Variants in GUCY1A2 observed in about 807,000 individuals in gnomAD.
GUCY1A2 encodes guanylate cyclase soluble subunit alpha-2.
GUCY1A2 carries 27 observed loss-of-function variants against 63.5 expected under a neutral mutation model. The ratio of observed to expected loss-of-function variants is 0.43; its 90% CI spans 0.31 to 0.59. The LOEUF is 0.59. Among genes scored for constraint, GUCY1A2 ranks in the 20% least tolerant of loss-of-function variants. GUCY1A2 has a pLI of 0.11. For missense variants in GUCY1A2, 768 were observed against 913.3 expected (o/e 0.84, Z 2.05); for synonymous variants, 364 against 343.5 (o/e 1.06, Z -0.66).
At chr11:106,944,138 C>T (rs1002654133) in intron 3 of GUCY1A2, among the ~76,000 whole-genome samples, 1 of 141,940 alleles carries the variant, frequency 7.0e-6, no homozygotes, top group East Asian at 2.1e-4. Context: ...TCACTGGAGC[C>T]CAGGATGTTG....
Position 106,735,587 on chromosome 11 carries a change from T to C in GUCY1A2, c.1837-26921A>G, listed in dbSNP as rs564629347. Among the ~76,000 whole-genome samples, 6 of 152,316 alleles carry C rather than the reference T, an allele frequency of 3.9e-5. No individual in the cohort carries two copies. The South Asian group carries it at 1.2e-3, about 32-fold the overall frequency. The stretch of plus-strand genomic sequence containing the variant: ...TTGGCTATTGTGACTAGCGTTACAA[T>C]AAACATGGGAGTGCAGTTATCTCTT... On this transcript the variant is annotated intron_variant, in intron 6 of 7. Coordinates refer to ENST00000526355, the MANE Select transcript of GUCY1A2 (RefSeq NM_000855.3).
At chr11:106,830,434 G>A (rs1471837541) in intron 4 of GUCY1A2, among the ~76,000 whole-genome samples, 1 of 152,222 alleles carries the variant, frequency 6.6e-6, no homozygotes, top group Non-Finnish European at 1.5e-5. Context: ...CTGTGAGGGT[G>A]TTGCCAAAGG....
chr11:106,741,205 T>A (rs1170716289), intron 6 of GUCY1A2, among the ~76,000 whole-genome samples: 1 of 152,260 alleles, frequency 6.6e-6, no homozygotes, highest in Non-Finnish European at 1.5e-5. Context: ...CAGTTCAAAC[T>A]GTAATCAAAT....
intron 3 of GUCY1A2, among the ~76,000 whole-genome samples, chr11:106,955,453 T>C (rs895975165): frequency 1.3e-5 from 2 of 152,206 alleles, no homozygotes; most frequent in Admixed American, 1.3e-4. Context: ...GTTTTTCCTT[T>C]CCATATTTAG....
chr11:106,909,319 A>G (rs1411080595), intron 4 of GUCY1A2, among the ~76,000 whole-genome samples: 2 of 144,814 alleles, frequency 1.4e-5, no homozygotes, highest in South Asian at 4.4e-4. Flanking sequence ...CATTGATAAA[A>G]TCTATCATCT....
At chr11:106,906,146 G>C (rs1860202103) in intron 4 of GUCY1A2, among the ~76,000 whole-genome samples, 1 of 152,062 alleles carries the variant, frequency 6.6e-6, no homozygotes, top group Non-Finnish European at 1.5e-5. Flanking sequence ...TGTCATCAGA[G>C]TAAACAGGAA....
chr11:106,932,998 C>G (rs963296415), intron 4 of GUCY1A2, among the ~76,000 whole-genome samples: 1 of 152,022 alleles, frequency 6.6e-6, no homozygotes, highest in Non-Finnish European at 1.5e-5. Flanking sequence ...AATGTAAGAC[C>G]TCGAACAGTA....
intron 6 of GUCY1A2, among the ~76,000 whole-genome samples, chr11:106,716,987 C>T (rs1863228566): frequency 6.6e-6 from 1 of 151,900 alleles, no homozygotes; most frequent in African/African-American, 2.4e-5. Context: ...GAGGATAAGG[C>T]CAATGCTGGG....
intron 4 of GUCY1A2, among the ~76,000 whole-genome samples, chr11:106,871,227 G>C (rs1859673175): frequency 6.6e-6 from 1 of 152,114 alleles, no homozygotes; most frequent in Non-Finnish European, 1.5e-5. Context: ...ATTACTGCCA[G>C]AAGAATTAAG....
intron 6 of GUCY1A2, among the ~76,000 whole-genome samples, chr11:106,760,007 G>A (rs1446559117): frequency 1.3e-5 from 2 of 151,836 alleles, no homozygotes; most frequent in African/African-American, 4.9e-5. Context: ...GTAAAGATTG[G>A]ATTTTATGCT....
intron 6 of GUCY1A2, among the ~76,000 whole-genome samples, chr11:106,762,839 C>T (rs756166630): frequency 5.9e-5 from 9 of 151,964 alleles, no homozygotes; most frequent in Non-Finnish European, 1.3e-4. Flanking sequence ...TCTATAAACC[C>T]TCATTAGGCT....
chr11:106,977,739 T>C (rs1861280879), intron 3 of GUCY1A2, among the ~76,000 whole-genome samples: 1 of 152,158 alleles, frequency 6.6e-6, no homozygotes, highest in Non-Finnish European at 1.5e-5. Context: ...TGCCCTATTG[T>C]CCATCACCTG....
chr11:106,827,017 G>T, intron 4 of GUCY1A2: 1 of 1,604,238 alleles, frequency 6.2e-7, no homozygotes, highest in Non-Finnish European at 8.5e-7. Flanking sequence ...CCACATCTCT[G>T]TATTAGTTGT....
intron 1 of GUCY1A2, among the ~76,000 whole-genome samples, chr11:106,994,655 G>A (rs1861512480): frequency 6.6e-6 from 1 of 152,132 alleles, no homozygotes; most frequent in African/African-American, 2.4e-5. Context: ...CATCAGAGAG[G>A]TTAAAGTGTT....
chr11:107,012,260 C>CTT (rs371100294), intron 1 of GUCY1A2, among the ~76,000 whole-genome samples: 8,295 of 141,204 alleles, frequency 0.059, 326 homozygotes, highest in Middle Eastern at 0.12. Context: ...CTTCTTATTA[C>CTT]TTTTTTTTTT....
At position 106,771,565 on chromosome 11, in the gene GUCY1A2, T is replaced by G. The variant is rs927740846; in HGVS notation, c.1836+4874A>C. 4.6e-5 allele frequency among the ~76,000 whole-genome samples: 7 copies of G among 152,054 alleles called. No individual in the cohort carries two copies. In the East Asian group the frequency reaches 1.4e-3, roughly 29 times the overall value. ...GAGTTCACGACCAGCTTGGGCAACA[T>G]AGAGAGACCCCCATCTCTACTAAAA... On this transcript the variant is annotated intron_variant, in intron 6 of 7. Coordinates refer to ENST00000526355, the MANE Select transcript of GUCY1A2 (RefSeq NM_000855.3).
At chr11:106,875,904 C>T (rs769645197) in intron 4 of GUCY1A2, among the ~76,000 whole-genome samples, 3 of 151,600 alleles carry the variant, frequency 2.0e-5, no homozygotes, top group South Asian at 2.1e-4. Context: ...TTTACTCTGA[C>T]GTTAAATATA....
rs1272654510 is a variant in GUCY1A2, at chr11:106,683,178, T to A, written c.*4371A>T. The A allele has an allele frequency of 4.7e-6, 1 of 214,550 alleles. No individual in the cohort carries two copies. The allele number at this position is 214,550 out of a possible 1,614,324, so 13.3% of individuals were successfully genotyped here. A position where few individuals can be genotyped will look rare whatever the true frequency, so the allele number is the denominator to read the frequency against. On this transcript the variant is annotated 3_prime_UTR_variant, in exon 8 of 8. Coordinates refer to ENST00000526355, the MANE Select transcript of GUCY1A2 (RefSeq NM_000855.3). ...AATTCAGTCTCATGCATCATGATTT[T>A]TGGGTTATATCTATTATTAAGCTAT...
intron 3 of GUCY1A2, among the ~76,000 whole-genome samples, chr11:106,940,562 A>T (rs1461912225): frequency 6.6e-6 from 1 of 152,174 alleles, no homozygotes; most frequent in Non-Finnish European, 1.5e-5. Context: ...ATTTATTACA[A>T]TCCATGAACC....
Sources: allele counts gnomAD v4.1 joint callset (sites outside exome capture counted in the v4.1 genomes callset), GRCh38; gene constraint gnomAD v4.1.1; transcripts MANE v1.5; gene names NCBI Gene and HGNC (gene_info 2026-07-23, HGNC 2026-07-21).